TRPM1: variants seen among roughly 807,000 people sequenced by gnomAD.
TRPM1 encodes transient receptor potential cation channel subfamily M member 1, also known as TRPM1-203 APA Isoform, Intron 10.
TRPM1 carries 113 observed loss-of-function variants against 149.4 expected under a neutral mutation model. That is an observed-to-expected ratio of 0.76 (90% CI 0.65 to 0.88). TRPM1 has a LOEUF of 0.88. Among genes scored for constraint, TRPM1 ranks in the 40% least tolerant of loss-of-function variants. The pLI is 0.00. For synonymous variants in TRPM1, 741 were observed against 759.5 expected (o/e 0.98, Z 0.40); for missense variants, 1,976 against 2,038.7 (o/e 0.97, Z 0.59).
intron 11 of TRPM1, among the ~76,000 whole-genome samples, chr15:31,058,929 A>AC (rs2034154912): frequency 6.6e-6 from 1 of 151,874 alleles, no homozygotes; most frequent in Non-Finnish European, 1.5e-5. Flanking sequence ...TAAAAATGCA[A>AC]AAAAAATTTA....
At chr15:31,125,571 A>G (rs2035937330) in intron 1 of TRPM1, among the ~76,000 whole-genome samples, 1 of 149,098 alleles carries the variant, frequency 6.7e-6, no homozygotes, top group South Asian at 2.1e-4. Context: ...TCTACTAAAA[A>G]TACAAAAAAT....
At chr15:31,103,102 G>T (rs543425102), upstream of TRPM1, among the ~76,000 whole-genome samples, 3 of 152,350 alleles carry the variant, frequency 2.0e-5, no homozygotes, top group East Asian at 5.8e-4. Context: ...ATGGCTGGGA[G>T]GTGTGGAGGC....
In TRPM1 at chr15:31,040,138, G is replaced by T. The variant is rs746696499; in HGVS notation, c.2296C>A (p.Arg766=). The T allele has an allele frequency of 3.7e-6, 6 of 1,614,048 alleles. No individual in the cohort carries two copies. The highest frequency in any genetic ancestry group is 2.7e-5 in the African/African-American group (2 of 74,908). ...CGCACCTTCAGGCCGGGGTTCTTCC[G>T]CATCCGCAGTCTTCCCATCCACATA... ...TDMWMGRLRM[R]KNPGLKVIMG... Residue 766 remains arginine (R), a synonymous_variant, in exon 18 of 28, where the codon CGG becomes AGG. Transcript: ENST00000256552. This position sits in a 1 kb window ranked among gnomAD's most constrained non-coding sequence, Gnocchi z 4.2.
intron 1 of TRPM1, among the ~76,000 whole-genome samples, chr15:31,129,731 C>T (rs1281035776): frequency 1.3e-5 from 2 of 152,210 alleles, no homozygotes; most frequent in African/African-American, 4.8e-5. Flanking sequence ...TGTCAGCTGT[C>T]TGTGGTCACT....
chr15:31,031,458 G>A (rs965902155), intron 22 of TRPM1: 3 of 477,116 alleles, frequency 6.3e-6, no homozygotes, highest in African/African-American at 3.8e-5. Flanking sequence ...AATGGAGAAA[G>A]GGAAGAATTA....
chr15:31,087,633 C>T (rs942753420), intron 1 of TRPM1, among the ~76,000 whole-genome samples: 9 of 152,032 alleles, frequency 5.9e-5, no homozygotes, highest in Admixed American at 1.3e-4. Flanking sequence ...AGGTTTTCAT[C>T]GACAGATGAG....
chr15:31,088,412 G>C (rs1254613940), intron 1 of TRPM1, among the ~76,000 whole-genome samples: 1 of 152,194 alleles, frequency 6.6e-6, no homozygotes, highest in Non-Finnish European at 1.5e-5. Context: ...GAAAGTGTCT[G>C]GGTTGGCACC....
rs538923430 is a variant in TRPM1 at position 31,002,692 on chromosome 15, C to A, written c.4008G>T (p.Thr1336=). The change falls in exon 28 of 28, where the codon ACG becomes ACT. Residue 1336 remains threonine, a synonymous_variant. Coordinates refer to ENST00000256552, the MANE Select transcript of TRPM1 (RefSeq NM_001252024.2). ...TGTTCTGACATTCTGGGACTAGGTGCGTTTTCACGTCCTTCTCTTCCTTTA... is the reference window on the plus strand; with the variant it reads ...TGTTCTGACATTCTGGGACTAGGTGAGTTTTCACGTCCTTCTCTTCCTTTA... The part of the protein sequence containing the change: ...FRIKEEKDVK[T]HLVPECQNSL... The A allele has an allele frequency of 6.2e-7, 1 of 1,614,136 alleles. No individual in the cohort carries two copies. Among genetic ancestry groups the A allele is most frequent in the African/African-American group, 1.3e-5 (1 of 75,028 alleles).
At chr15:31,149,219 G>A (rs1167632863) in intron 1 of TRPM1, among the ~76,000 whole-genome samples, 1 of 152,222 alleles carries the variant, frequency 6.6e-6, no homozygotes, top group African/African-American at 2.4e-5. Context: ...TTAGGGTGGG[G>A]GCAGGCAGGA....
intron 1 of TRPM1, among the ~76,000 whole-genome samples, chr15:31,084,681 T>C (rs974557096): frequency 1.3e-5 from 2 of 149,350 alleles, no homozygotes; most frequent in Non-Finnish European, 3.0e-5. Context: ...CTTTTCTTTT[T>C]TTTTTTTTTT....
In TRPM1 at chr15:31,002,811, A is replaced by ATCGAGCG; in HGVS notation, c.3888_3889insCGCTCGA (p.Tyr1297ArgfsTer6). ...AATAACTCTTCTCCGTTAAAATGAT[A>ATCGAGCG]TCGATACAAGCTGTAGCCATCAGCG... On this transcript the variant is annotated frameshift_variant, in exon 28 of 28. Coordinates refer to ENST00000256552, the MANE Select transcript of TRPM1 (RefSeq NM_001252024.2). LOFTEE classifies it low-confidence loss of function (END_TRUNC). The ATCGAGCG allele has an allele frequency of 6.2e-7, 1 of 1,614,218 alleles. No homozygotes were observed. The highest frequency in any genetic ancestry group is 8.5e-7 in the Non-Finnish European group (1 of 1,180,038).
At chr15:31,105,473 G>GCA (rs2035590625), upstream of TRPM1, among the ~76,000 whole-genome samples, 3 of 115,986 alleles carry the variant, frequency 2.6e-5, no homozygotes, top group Middle Eastern at 3.8e-3. Context: ...GTGTGTGTGT[G>GCA]CGCGCGCGCG....
chr15:31,038,759 C>T (rs2911851), intron 18 of TRPM1, among the ~76,000 whole-genome samples: 81,004 of 151,806 alleles, frequency 0.53, 22,894 homozygotes, highest in East Asian at 0.94. Context: ...CATGAAATTT[C>T]GAGGAAGGCA....
At chr15:31,046,450 G>A (rs544063732) in intron 15 of TRPM1, among the ~76,000 whole-genome samples, 4 of 152,330 alleles carry the variant, frequency 2.6e-5, no homozygotes, top group African/African-American at 9.6e-5. Flanking sequence ...CAGCAGACGC[G>A]TGGCCCTTAT....
At chr15:31,039,634 C>T (rs777405735) in intron 18 of TRPM1, among the ~76,000 whole-genome samples, 2 of 152,218 alleles carry the variant, frequency 1.3e-5, no homozygotes, top group Non-Finnish European at 2.9e-5. Flanking sequence ...CTTTTTCAAA[C>T]CCTTTCGTAG....
intron 1 of TRPM1, among the ~76,000 whole-genome samples, chr15:31,150,412 T>C (rs1052926837): frequency 1.3e-5 from 2 of 149,854 alleles, no homozygotes; most frequent in African/African-American, 2.5e-5. Context: ...GGGTGGCTCC[T>C]CAGTTGAATT....
intron 5 of TRPM1, among the ~76,000 whole-genome samples, 181 bp downstream of exon 5, chr15:31,067,698 T>C (rs2034418495): frequency 6.6e-6 from 1 of 152,236 alleles, no homozygotes. Flanking sequence ...TTTGCTGTTT[T>C]TTTTTAAGAG....
rs2034849776 is a variant in TRPM1, at chr15:31,081,271, A to G, written c.3+82T>C. The stretch of plus-strand genomic sequence containing the variant: ...CTTCACTGGAAATCCGTCTTTTCCT[A>G]ATAAAAACGCTAGCATGTGACTAAC... On this transcript the variant is annotated intron_variant, in intron 2 of 27. Coordinates refer to ENST00000256552, the MANE Select transcript of TRPM1 (RefSeq NM_001252024.2). The G allele has an allele frequency of 4.6e-6, 4 of 873,018 alleles. No individual in the cohort carries two copies. In the Admixed American group the frequency reaches 6.0e-5, roughly 13 times the overall value. The allele number at this position is 873,018 out of a possible 1,614,324, so 54.1% of individuals were successfully genotyped here.
At chr15:31,014,512 T>G (rs1329650325) in intron 27 of TRPM1, among the ~76,000 whole-genome samples, 1 of 152,224 alleles carries the variant, frequency 6.6e-6, no homozygotes, top group Non-Finnish European at 1.5e-5. Context: ...GTCACAAAGC[T>G]CACTTTTCTT....
Sources: gnomAD v4.1 joint callset for allele counts (sites outside exome capture counted in the v4.1 genomes callset) on GRCh38, gnomAD v4.1.1 for gene constraint, Gnocchi (gnomAD v3.1) non-coding constraint, MANE v1.5 for transcripts, NCBI Gene and HGNC (gene_info 2026-07-23, HGNC 2026-07-21) for gene names.